The following GLYAT variants were observed in gnomAD, a reference collection of about 807,000 sequenced individuals.
GLYAT encodes glycine-N-acyltransferase, also known as glycine N-acyltransferase.
A neutral mutation model predicts 22.8 loss-of-function variants in GLYAT; 25 were observed. The ratio of observed to expected loss-of-function variants is 1.09; its 90% CI spans 0.80 to 1.53. The LOEUF is 1.53. Ranked by LOEUF, GLYAT falls within the 40% of genes most tolerant of loss-of-function variation. The pLI is 0.00. For synonymous variants in GLYAT, 140 were observed against 122.7 expected (o/e 1.14, Z -0.93); for missense variants, 411 against 353.9 (o/e 1.16, Z -1.29).
intron 2 of GLYAT, among the ~76,000 whole-genome samples, chr11:58,720,471 C>G (rs1175739782): frequency 4.6e-5 from 7 of 152,016 alleles, no homozygotes; most frequent in African/African-American, 1.7e-4. Flanking sequence ...TTTGACCTAA[C>G]TGACTCCATC....
chr11:58,715,720 G>A (rs1460491627), intron 2 of GLYAT, among the ~76,000 whole-genome samples: 1 of 152,030 alleles, frequency 6.6e-6, no homozygotes, highest in Admixed American at 6.6e-5. Context: ...TGAACATATT[G>A]TGTACCTATT....
chr11:58,711,934 G>T (rs1056894675), intron 4 of GLYAT, among the ~76,000 whole-genome samples: 1 of 152,196 alleles, frequency 6.6e-6, no homozygotes, highest in Non-Finnish European at 1.5e-5. Context: ...GCCTGGGCCA[G>T]CCTGCTAGCG....
chr11:58,711,087 C>A (rs1856611094), intron 4 of GLYAT, among the ~76,000 whole-genome samples: 1 of 152,138 alleles, frequency 6.6e-6, no homozygotes, highest in Non-Finnish European at 1.5e-5. Flanking sequence ...ACAGTTTAGC[C>A]TAAATATTTA....
In GLYAT at chr11:58,710,672, C is replaced by T. The variant is rs1489324523; in HGVS notation, c.406G>A (p.Ala136Thr). 6.2e-7 allele frequency: 1 copy of T among 1,612,656 alleles called. No homozygotes were observed. Among genetic ancestry groups the T allele is most frequent in the East Asian group, 2.2e-5 (1 of 44,854 alleles). The stretch of plus-strand genomic sequence containing the variant: ...GTCAGTTCCTTGGCTGTTTCAGCTG[C>T]CATATAGAGAATGCGTTGTGTTTGT... ...VKQTQRILYM[A>T]AETAKELTPF... The change falls in exon 5 of 6, where the codon GCA becomes ACA. Residue 136 changes from alanine to threonine, a missense_variant. Physicochemically the swap from Ala to Thr is moderately conservative, Grantham distance 58. Coordinates refer to ENST00000344743, the MANE Select transcript of GLYAT (RefSeq NM_201648.3).
At chr11:58,724,577 G>A in intron 1 of GLYAT, 66 bp from the exon 2 acceptor site, 1 of 782,762 alleles carries the variant, frequency 1.3e-6, no homozygotes, top group Non-Finnish European at 1.9e-6. Flanking sequence ...AACAAGAGTA[G>A]CAAGTTCTTT....
At chr11:58,728,778 C>T (rs1193208455) in intron 1 of GLYAT, 3 of 139,592 alleles carry the variant, frequency 2.1e-5, no homozygotes, top group Middle Eastern at 3.8e-3. Context: ...GGTGGAGCTT[C>T]GTTGAGAGAG....
Position 58,710,116 on chromosome 11 carries a change from C to T in GLYAT, c.541G>A (p.Val181Met). 6.2e-7 allele frequency: 1 copy of T among 1,614,064 alleles called. No homozygotes were observed. The highest frequency in any genetic ancestry group is 8.5e-7 in the Non-Finnish European group (1 of 1,179,968). The stretch of plus-strand genomic sequence containing the variant: ...CCACCAAAATGCCAGAATTTATTCA[C>T]CAAGTGAGCATGGGTAACATCCATG... ...SSMDVTHAHL[V>M]NKFWHFGGNE... The change falls in exon 6 of 6, where the codon GTG becomes ATG. Residue 181 changes from valine (V) to methionine (M), a missense_variant. By Grantham distance (21) the Val-to-Met change is conservative. Transcript: ENST00000344743.
chr11:58,715,167 C>T (rs995654877), intron 3 of GLYAT, 149 bp downstream of exon 3: 7 of 547,464 alleles, frequency 1.3e-5, no homozygotes, highest in African/African-American at 9.6e-5. Flanking sequence ...TCTATCTTGT[C>T]TTTCAGACTC....
chr11:58,718,534 C>T (rs1057227066), intron 2 of GLYAT, among the ~76,000 whole-genome samples: 6 of 151,978 alleles, frequency 3.9e-5, no homozygotes, highest in African/African-American at 1.4e-4. Flanking sequence ...CAGAAACCTG[C>T]ATTTAAGAGT....
chr11:58,718,223 T>C (rs1451718942), intron 2 of GLYAT, among the ~76,000 whole-genome samples: 1 of 152,100 alleles, frequency 6.6e-6, no homozygotes, highest in Non-Finnish European at 1.5e-5. Context: ...ATAAATGTAT[T>C]ACCATAAGTT....
chr11:58,714,145 C>G (rs188831587), intron 3 of GLYAT, among the ~76,000 whole-genome samples: 20 of 152,070 alleles, frequency 1.3e-4, no homozygotes, highest in African/African-American at 4.6e-4. Flanking sequence ...TGGTAGTTAT[C>G]AGCAGGTAAG....
Position 58,724,504 on chromosome 11 carries a change from A to G in GLYAT, c.-8T>C. ...TTGCAATGGTAACATCATGGAGGAT[A>G]CCTTAGCCTAGAAAGACAACCAAGG... On this transcript the variant is annotated 5_prime_UTR_variant, in exon 2 of 6. Coordinates refer to ENST00000344743, the MANE Select transcript of GLYAT (RefSeq NM_201648.3). 1 of 1,572,662 alleles carries G rather than the reference A, an allele frequency of 6.4e-7. No homozygotes were observed. Among genetic ancestry groups the G allele is most frequent in the Non-Finnish European group, 8.7e-7 (1 of 1,148,078 alleles).
At chr11:58,716,717 T>C (rs1230401195) in intron 2 of GLYAT, among the ~76,000 whole-genome samples, 2 of 152,040 alleles carry the variant, frequency 1.3e-5, no homozygotes, top group Admixed American at 6.6e-5. Flanking sequence ...ACCCAGAAAA[T>C]CTAAGACAGG....
intron 2 of GLYAT, among the ~76,000 whole-genome samples, chr11:58,723,073 C>G (rs943114230): frequency 1.3e-5 from 2 of 151,908 alleles, no homozygotes; most frequent in Non-Finnish European, 2.9e-5. Context: ...AGAGTTTTCT[C>G]AAAATGTTTA....
At chr11:58,720,654 T>C (rs1420480102) in intron 2 of GLYAT, among the ~76,000 whole-genome samples, 2 of 152,022 alleles carry the variant, frequency 1.3e-5, no homozygotes, top group African/African-American at 4.8e-5. Context: ...GGATTAGAAG[T>C]TATGGTGATC....
intron 2 of GLYAT, among the ~76,000 whole-genome samples, chr11:58,722,011 T>C (rs374265080): frequency 2.6e-5 from 4 of 152,180 alleles, no homozygotes; most frequent in African/African-American, 9.6e-5. Flanking sequence ...ATGCTAACTT[T>C]AGTTGTGTAA....
intron 3 of GLYAT, among the ~76,000 whole-genome samples, chr11:58,713,756 C>T (rs1313299819): frequency 6.6e-6 from 1 of 151,984 alleles, no homozygotes; most frequent in Admixed American, 6.6e-5. Flanking sequence ...GAAAATGTTG[C>T]ACAAAAAACC....
At chr11:58,713,018 A>G (rs1856635949) in intron 3 of GLYAT, 132 bp from the exon 4 acceptor site, 1 of 566,264 alleles carries the variant, frequency 1.8e-6, no homozygotes, top group South Asian at 3.2e-5. Flanking sequence ...TTTCTTTTTT[A>G]TTGATACATA....
chr11:58,713,318 C>G (rs1056468809), intron 3 of GLYAT, among the ~76,000 whole-genome samples: 1 of 151,968 alleles, frequency 6.6e-6, no homozygotes, highest in African/African-American at 2.4e-5. Flanking sequence ...TTGGAAAATT[C>G]CAGAACAATA....
Sources: gnomAD v4.1 joint callset for allele counts (sites outside exome capture counted in the v4.1 genomes callset) on GRCh38, gnomAD v4.1.1 for gene constraint, MANE v1.5 for transcripts, NCBI Gene and HGNC (gene_info 2026-07-23, HGNC 2026-07-21) for gene names.